The following BBOF1 variants were observed in gnomAD, a reference collection of about 807,000 sequenced individuals.
The protein encoded by BBOF1 is basal body orientation factor 1.
A neutral mutation model predicts 68.0 loss-of-function variants in BBOF1; 62 were observed. The ratio of observed to expected loss-of-function variants is 0.91; its 90% confidence interval spans 0.74 to 1.13. BBOF1 has a LOEUF of 1.13. BBOF1 is among the 50% of genes most tolerant of loss of function. The pLI, the probability that BBOF1 is intolerant of heterozygous loss-of-function variation, is 0.00. For synonymous variants in BBOF1, 208 were observed against 198.8 expected (o/e 1.05, Z -0.39); for missense variants, 534 against 600.1 (o/e 0.89, Z 1.15).
chr14:74,070,530 T>C (rs889348259), downstream of BBOF1, among the ~76,000 whole-genome samples: 3 of 152,088 alleles, frequency 2.0e-5, no homozygotes, highest in Admixed American at 1.3e-4. Flanking sequence ...AAAAAAAGAA[T>C]AACAATATTT....
chr14:74,045,956 G>T (rs937534701), intron 5 of BBOF1, 104 bp from the exon 6 acceptor site: 2 of 973,638 alleles, frequency 2.1e-6, no homozygotes, highest in South Asian at 1.7e-5. Flanking sequence ...TTCAGGTCAT[G>T]GGGACAGGAG....
At chr14:74,048,236 C>A in intron 7 of BBOF1, 162 bp downstream of exon 7, 1 of 571,710 alleles carries the variant, frequency 1.7e-6, no homozygotes, top group Non-Finnish European at 3.0e-6. Context: ...AATACTCAAT[C>A]TTATAATGCT....
chr14:74,056,001 A>C (rs2060191930), intron 9 of BBOF1, among the ~76,000 whole-genome samples: 2 of 151,922 alleles, frequency 1.3e-5, no homozygotes, highest in Non-Finnish European at 2.9e-5. Context: ...AAACATAACA[A>C]TATTAAGATT....
intron 9 of BBOF1, among the ~76,000 whole-genome samples, chr14:74,077,977 C>G (rs10135340): frequency 0.24 from 36,646 of 152,072 alleles, 4,992 homozygotes; most frequent in South Asian, 0.46. Flanking sequence ...ACGGTGATTT[C>G]TGCCTGTAGT....
downstream of BBOF1, chr14:74,067,014 C>G: frequency 1.1e-6 from 1 of 899,432 alleles, no homozygotes; most frequent in Non-Finnish European, 1.8e-6. Context: ...CCAGGAGTTC[C>G]AGACCAGCCT....
chr14:74,055,170 C>T (rs62005112), intron 8 of BBOF1: 28,385 of 152,124 alleles, frequency 0.19, 2,902 homozygotes, highest in South Asian at 0.42. Flanking sequence ...TTTTTTGAGA[C>T]GGAGTTTCAC....
At chr14:74,024,958 T>C (rs993410232) in intron 2 of BBOF1, among the ~76,000 whole-genome samples, 1 of 151,908 alleles carries the variant, frequency 6.6e-6, no homozygotes, top group South Asian at 2.1e-4. Context: ...AGGGACGGGG[T>C]TTTGGCATGT....
chr14:74,024,439 G>C (rs1024631798), intron 2 of BBOF1, among the ~76,000 whole-genome samples: 1 of 152,124 alleles, frequency 6.6e-6, no homozygotes, highest in African/African-American at 2.4e-5. Context: ...CTGGACATCA[G>C]AGCAAAACTC....
intron 5 of BBOF1, among the ~76,000 whole-genome samples, chr14:74,042,167 G>A (rs982297536): frequency 6.6e-6 from 1 of 152,210 alleles, no homozygotes; most frequent in African/African-American, 2.4e-5. Context: ...GAGCTACCAT[G>A]CCTTGCTCCT....
At chr14:74,081,768 C>T (rs574153911) in intron 12 of BBOF1, among the ~76,000 whole-genome samples, 12 of 152,286 alleles carry the variant, frequency 7.9e-5, no homozygotes, top group African/African-American at 2.9e-4. Context: ...AATAAAGGAG[C>T]TTTCAGTGAG....
At chr14:74,066,699 G>C, downstream of BBOF1, 1 of 1,613,476 alleles carries the variant, frequency 6.2e-7, no homozygotes, top group Non-Finnish European at 8.5e-7. Flanking sequence ...AGTGAAAGTT[G>C]TTCACCTTGA....
intron 3 of BBOF1, chr14:74,031,873 T>C (rs1459175850): frequency 6.6e-6 from 1 of 152,144 alleles, no homozygotes; most frequent in Non-Finnish European, 1.5e-5. Flanking sequence ...GTTTCCAGTC[T>C]TTTTCTATTA....
At chr14:74,043,374 C>T (rs765540822) in intron 5 of BBOF1, among the ~76,000 whole-genome samples, 78 of 149,388 alleles carry the variant, frequency 5.2e-4, no homozygotes, top group Non-Finnish European at 9.5e-4. Context: ...CAAGGTGAAA[C>T]CCCGTCTCTA....
downstream of BBOF1, chr14:74,066,745 T>C (rs769625759): frequency 3.7e-6 from 6 of 1,614,108 alleles, no homozygotes; most frequent in South Asian, 6.6e-5. Context: ...AAAGTTGCCA[T>C]TTTCATAGCC....
At chr14:74,030,767 G>A (rs191534672) in intron 3 of BBOF1, among the ~76,000 whole-genome samples, 70 of 151,960 alleles carry the variant, frequency 4.6e-4, no homozygotes, top group African/African-American at 1.6e-3. Context: ...AAAGTGCTGA[G>A]AAATCCAACT....
chr14:74,065,953 T>C lies in BBOF1; in HGVS notation c.*1254T>C, dbSNP rs954018604. On this transcript the variant is annotated 3_prime_UTR_variant, in exon 12 of 12. Transcript: ENST00000394009. Reference sequence around the variant, plus strand: ...TGGCAAGAGATTTCATAATTTCTACTGCACTTACATTCAACACTTGATGAT... The same window carrying C: ...TGGCAAGAGATTTCATAATTTCTACCGCACTTACATTCAACACTTGATGAT... 1 of 157,280 alleles carries C rather than the reference T, an allele frequency of 6.4e-6. No homozygotes were observed. Among genetic ancestry groups the C allele is most frequent in the South Asian group, 1.9e-4 (1 of 5,314 alleles). The allele number at this position is 157,280 out of a possible 1,614,324, so 9.7% of individuals were successfully genotyped here. A position where few individuals can be genotyped will look rare whatever the true frequency, so the allele number is the denominator to read the frequency against.
intron 11 of BBOF1, among the ~76,000 whole-genome samples, chr14:74,061,492 G>A (rs2060340778): frequency 6.6e-6 from 1 of 151,846 alleles, no homozygotes; most frequent in African/African-American, 2.4e-5. Flanking sequence ...GTAGAGAAGG[G>A]CTAATTTCAG....
intron 9 of BBOF1, among the ~76,000 whole-genome samples, chr14:74,077,607 G>A (rs1448593308): frequency 6.6e-6 from 1 of 152,062 alleles, no homozygotes; most frequent in African/African-American, 2.4e-5. Flanking sequence ...ATTCCCATGG[G>A]AACTAATCCA....
At chr14:74,054,413 C>T (rs1323091690) in intron 8 of BBOF1, among the ~76,000 whole-genome samples, 1 of 150,788 alleles carries the variant, frequency 6.6e-6, no homozygotes, top group Non-Finnish European at 1.5e-5. Flanking sequence ...GAGTCTCGCT[C>T]TGTTGCCAAG....
Sources: gnomAD v4.1 joint callset for allele counts (sites outside exome capture counted in the v4.1 genomes callset) on GRCh38, gnomAD v4.1.1 for gene constraint, MANE v1.5 for transcripts, NCBI Gene and HGNC (gene_info 2026-07-23, HGNC 2026-07-21) for gene names.